The following PCDH11X variants were observed in gnomAD, a reference collection of about 807,000 sequenced individuals.
PCDH11X encodes protocadherin 11 X-linked, also known as protocadherin-11 X-linked.
PCDH11X carries 18 observed loss-of-function variants against 53.3 expected under a neutral mutation model. The ratio of observed to expected loss-of-function variants is 0.34; its 90% CI spans 0.23 to 0.50. PCDH11X has a LOEUF of 0.50. Ranked by LOEUF, PCDH11X falls within the 20% of genes least tolerant of loss-of-function variation. PCDH11X has a pLI of 0.98. For synonymous variants in PCDH11X, 279 were observed against 393.3 expected (o/e 0.71, Z 3.44); for missense variants, 570 against 1,032.4 (o/e 0.55, Z 6.14).
chrX:92,444,661 G>A (rs1476082473), intron 9 of PCDH11X, among the ~76,000 whole-genome samples: 2 of 102,412 alleles, frequency 2.0e-5, no homozygotes, highest in African/African-American at 3.6e-5. Flanking sequence ...TTAATATGAT[G>A]TTGGCTGCAT....
intron 10 of PCDH11X, among the ~76,000 whole-genome samples, chrX:92,568,283 G>A (rs1251104113): frequency 1.8e-5 from 2 of 109,765 alleles, no homozygotes; most frequent in African/African-American, 6.6e-5. Flanking sequence ...TTAGCCCGGC[G>A]TGGTGGCGGG....
At chrX:91,872,136 T>G (rs1390352005) in intron 5 of PCDH11X, among the ~76,000 whole-genome samples, 1 of 110,493 alleles carries the variant, frequency 9.1e-6, no homozygotes, top group Non-Finnish European at 1.9e-5. Context: ...ATCTTTTCAA[T>G]AATGCACTGG....
chrX:92,252,744 A>G (rs1224844961), intron 7 of PCDH11X, among the ~76,000 whole-genome samples: 3 of 110,819 alleles, frequency 2.7e-5, no homozygotes, highest in Admixed American at 9.7e-5. Context: ...TTTCTGGAAC[A>G]TGTTCTTTTC....
At chrX:91,879,823 A>T in intron 6 of PCDH11X, 1 of 745,884 alleles carries the variant, frequency 1.3e-6, no homozygotes, top group East Asian at 1.5e-4. Context: ...ACTCAAAATT[A>T]TTTTGGTGCA....
chrX:92,259,448 AG>A (rs2067668422), intron 7 of PCDH11X, among the ~76,000 whole-genome samples: 1 of 111,324 alleles, frequency 9.0e-6, no homozygotes, highest in Non-Finnish European at 1.9e-5. Flanking sequence ...TAGTTAGAGA[AG>A]AACCAAGAGA....
At chrX:92,226,839 T>A in intron 7 of PCDH11X, among the ~76,000 whole-genome samples, 1 of 110,954 alleles carries the variant, frequency 9.0e-6, no homozygotes, top group East Asian at 2.8e-4. Flanking sequence ...CTTACAATTT[T>A]TTGATTCTGA....
intron 6 of PCDH11X, among the ~76,000 whole-genome samples, chrX:92,144,253 G>A (rs1361759586): frequency 2.8e-5 from 3 of 108,618 alleles, no homozygotes; most frequent in Non-Finnish European, 5.7e-5. Flanking sequence ...GGGAAGCCAT[G>A]ATTGGTTTTG....
At chrX:92,039,352 A>G (rs748207732) in intron 6 of PCDH11X, among the ~76,000 whole-genome samples, 7 of 112,491 alleles carry the variant, frequency 6.2e-5, no homozygotes, top group South Asian at 7.4e-4. Flanking sequence ...TCTGGGAGCC[A>G]AGAATTAGAG....
rs1303645972 is a variant in PCDH11X at position 91,921,710 on chromosome X, C to G, written c.3033+42437C>G. 2.9e-5 allele frequency among the ~76,000 whole-genome samples: 3 copies of G among 104,868 alleles called. No individual in the cohort carries two copies. In the East Asian group the frequency reaches 9.3e-4, roughly 33 times the overall value. The allele number at this position is 104,868 out of a possible 115,157, so 91.1% of individuals were successfully genotyped here. ...CACAGTTTATTTATTCATTAACCTA[C>G]TGAAGGATATCTTGGTTACATTCAA... On this transcript the variant is annotated intron_variant, in intron 6 of 10. Coordinates refer to ENST00000682573, the MANE Select transcript of PCDH11X (RefSeq NM_032968.5).
intron 9 of PCDH11X, among the ~76,000 whole-genome samples, chrX:92,406,591 T>C (rs750518093): frequency 1.0e-5 from 1 of 97,310 alleles, no homozygotes; most frequent in Non-Finnish European, 2.0e-5. Flanking sequence ...AAGATTACCA[T>C]TCTGCCATGA....
intron 7 of PCDH11X, among the ~76,000 whole-genome samples, chrX:92,252,395 A>ACACACACACACACACACACACG (rs2067478613): frequency 9.0e-6 from 1 of 110,684 alleles, no homozygotes; most frequent in Admixed American, 9.6e-5. Context: ...ACACACACAC[A>ACACACACACACACACACACACG]CACGCATGTG....
intron 6 of PCDH11X, among the ~76,000 whole-genome samples, chrX:92,017,867 TA>T (rs751407665): frequency 0.015 from 1,419 of 97,581 alleles, 19 homozygotes; most frequent in African/African-American, 0.04. Context: ...ACCTTCAGAT[TA>T]AAAAAAAAAA....
At chrX:91,823,017 G>A (rs1438208094) in intron 4 of PCDH11X, among the ~76,000 whole-genome samples, 1 of 109,505 alleles carries the variant, frequency 9.1e-6, no homozygotes, top group Non-Finnish European at 1.9e-5. Flanking sequence ...GTTCTAGTTT[G>A]ATTGCACTGT....
intron 6 of PCDH11X, among the ~76,000 whole-genome samples, chrX:92,071,013 G>A (rs1403481611): frequency 9.2e-6 from 1 of 109,277 alleles, no homozygotes; most frequent in Non-Finnish European, 1.9e-5. Context: ...CACCATGTTG[G>A]CCAGAGTGGT....
At chrX:92,406,591 T>G (rs750518093) in intron 9 of PCDH11X, among the ~76,000 whole-genome samples, 1 of 97,332 alleles carries the variant, frequency 1.0e-5, no homozygotes, top group African/African-American at 3.8e-5. Context: ...AAGATTACCA[T>G]TCTGCCATGA....
chrX:92,001,472 CTT>C (rs57766143), intron 6 of PCDH11X, among the ~76,000 whole-genome samples: 10 of 91,766 alleles, frequency 1.1e-4, no homozygotes, highest in East Asian at 7.0e-4. Context: ...TTTTTTCTTT[CTT>C]TTTTTTTTTT....
intron 6 of PCDH11X, among the ~76,000 whole-genome samples, chrX:92,185,644 A>G (rs753142956): frequency 1.8e-5 from 2 of 111,633 alleles, no homozygotes; most frequent in East Asian, 5.6e-4. Flanking sequence ...TATACAAGGA[A>G]CTCAAACAAC....
At chrX:92,312,095 T>C (rs1312463609) in intron 8 of PCDH11X, among the ~76,000 whole-genome samples, 2 of 111,645 alleles carry the variant, frequency 1.8e-5, no homozygotes, top group Non-Finnish European at 3.8e-5. Context: ...ATAACCAAAT[T>C]TGGCATCATT....
chrX:92,436,895 A>C lies in PCDH11X; in HGVS notation c.3344-31404A>C, dbSNP rs758894652. Among the ~76,000 whole-genome samples, 3 of 108,465 alleles carry C rather than the reference A, an allele frequency of 2.8e-5. No individual in the cohort carries two copies. In the East Asian group the frequency reaches 8.7e-4, roughly 31 times the overall value. The allele number at this position is 108,465 out of a possible 115,157, so 94.2% of individuals were successfully genotyped here. On this transcript the variant is annotated intron_variant, in intron 9 of 10. Transcript: ENST00000682573. The stretch of plus-strand genomic sequence containing the variant: ...GGTTTAGTACCTGGGCGACAAAATA[A>C]TCTGTACAGCAAACTTCCATGACAC...
Sources: gnomAD v4.1 joint callset for allele counts (sites outside exome capture counted in the v4.1 genomes callset) on GRCh38, gnomAD v4.1.1 for gene constraint, MANE v1.5 for transcripts, NCBI Gene and HGNC (gene_info 2026-07-23, HGNC 2026-07-21) for gene names.